Variants in AK9 observed in about 807,000 individuals in gnomAD.
AK9 encodes the protein adenylate kinase domain containing 1.
AK9 carries 191 observed loss-of-function variants against 239.6 expected under a neutral mutation model. The ratio of observed to expected loss-of-function variants is 0.80; its 90% CI spans 0.71 to 0.90. The LOEUF (loss-of-function observed/expected upper bound fraction) is 0.90. Ranked by LOEUF, AK9 falls within the 40% of genes least tolerant of loss-of-function variation. The probability of loss-of-function intolerance (pLI) is 0.00; values close to 1 mark genes in which losing one functional copy is unlikely to be tolerated. For missense variants in AK9, 1,995 were observed against 2,214.7 expected (o/e 0.90, Z 1.99); for synonymous variants, 689 against 721.0 (o/e 0.96, Z 0.71).
intron 17 of AK9, among the ~76,000 whole-genome samples, chr6:109,597,291 C>A (rs762710961): frequency 2.0e-5 from 3 of 152,158 alleles, no homozygotes; most frequent in Non-Finnish European, 4.4e-5. Context: ...CTCACTATTA[C>A]CAATTGTCAA....
intron 5 of AK9, among the ~76,000 whole-genome samples, chr6:109,663,536 A>C (rs1279069286): frequency 6.6e-6 from 1 of 152,238 alleles, no homozygotes; most frequent in African/African-American, 2.4e-5. Flanking sequence ...TGAAAAACTT[A>C]CATCCATTAT....
chr6:109,601,898 C>A (rs543598007), intron 17 of AK9, among the ~76,000 whole-genome samples: 1 of 152,188 alleles, frequency 6.6e-6, no homozygotes, highest in Admixed American at 6.5e-5. Context: ...GGATTGCAAC[C>A]CCTGCCTTTT....
At chr6:109,551,076 T>C (rs1050261137) in intron 24 of AK9, among the ~76,000 whole-genome samples, 13 of 152,174 alleles carry the variant, frequency 8.5e-5, no homozygotes, top group Admixed American at 6.5e-5. Flanking sequence ...ACATATATAG[T>C]ATTTTTAAAA....
intron 1 of AK9, among the ~76,000 whole-genome samples, chr6:109,688,221 G>C (rs951655407): frequency 4.6e-5 from 7 of 152,076 alleles, no homozygotes; most frequent in African/African-American, 1.7e-4. Context: ...TACAAATTGA[G>C]ACCTGTTCAT....
chr6:109,564,257 C>A lies in AK9; in HGVS notation c.2458G>T (p.Asp820Tyr), dbSNP rs1231882630. 1.3e-6 allele frequency: 2 copies of A among 1,549,562 alleles called. No homozygotes were observed. The highest frequency in any genetic ancestry group is 1.7e-6 in the Non-Finnish European group (2 of 1,146,342). The change falls in exon 23 of 41, where the codon GAC becomes TAC. Residue 820 changes from aspartate (D) to tyrosine (Y), a missense_variant. Coordinates refer to ENST00000424296, the MANE Select transcript of AK9 (RefSeq NM_001145128.3). ...ATTTCGGGAACATCAGGATAAGAGT[C>A]TTCTGGAAACTCAGGTAGTACAACT... ...ETVVLPEFPE[D>Y]SYPDVPEMEP... is the part of the protein sequence containing the mutation.
intron 12 of AK9, among the ~76,000 whole-genome samples, chr6:109,627,393 A>G (rs537567222): frequency 6.6e-6 from 1 of 152,332 alleles, no homozygotes; most frequent in South Asian, 2.1e-4. Flanking sequence ...AGTATTGTAA[A>G]TACTAAGCCA....
intron 12 of AK9, among the ~76,000 whole-genome samples, chr6:109,629,149 G>C (rs527319982): frequency 6.6e-6 from 1 of 151,934 alleles, no homozygotes; most frequent in South Asian, 2.1e-4. Context: ...TCACCATTTT[G>C]CCCAGGCTGG....
chr6:109,649,761 G>C (rs189329142), intron 8 of AK9, among the ~76,000 whole-genome samples: 1 of 152,318 alleles, frequency 6.6e-6, no homozygotes, highest in African/African-American at 2.4e-5. Flanking sequence ...AACCAAAAAA[G>C]AGCTGGCATC....
chr6:109,617,937 C>T (rs1794372628), intron 13 of AK9, among the ~76,000 whole-genome samples: 2 of 152,152 alleles, frequency 1.3e-5, no homozygotes, highest in Admixed American at 1.3e-4. Flanking sequence ...TCTTCAACCA[C>T]TAGAATTGGC....
chr6:109,573,476 T>A lies in AK9; in HGVS notation c.2310A>T (p.Glu770Asp). Residue 770 changes from glutamate to aspartate, a missense_variant, in exon 21 of 41, where the codon GAA (glutamate) becomes GAT (aspartate). By Grantham distance (45) the Glu-to-Asp change is conservative. Around this residue, in one of 5 missense-constraint regions of AK9, gnomAD observed 1,290 missense variants for 1,392.7 expected, o/e 0.93. Transcript: ENST00000424296. ...GCTCAGTTTCAGGGACCTCAGATGCTTCAAACTCCTCAGGTAACCATGACC... is the reference window on the plus strand; with the variant it reads ...GCTCAGTTTCAGGGACCTCAGATGCATCAAACTCCTCAGGTAACCATGACC... ...TRGSWLPEEF[E>D]ASEVPETEPE... 3 of 1,551,018 alleles carry A rather than the reference T, an allele frequency of 1.9e-6. No individual in the cohort carries two copies. The highest frequency in any genetic ancestry group is 1.7e-4 in the Middle Eastern group (1 of 5,990).
Position 109,540,791 on chromosome 6 carries a change from G to C in AK9, c.3350+1256C>G, listed in dbSNP as rs563568727. Among the ~76,000 whole-genome samples the C allele has an allele frequency of 1.4e-4, 22 of 152,260 alleles. No individual in the cohort carries two copies. The South Asian group carries it at 4.4e-3, about 30-fold the overall frequency. Reference sequence around the variant, plus strand: ...TGGCAGGGTCAATTTCATTCCTACTGTTCCTGCTGTCATTTCTTTGTCAAT... The same window carrying C: ...TGGCAGGGTCAATTTCATTCCTACTCTTCCTGCTGTCATTTCTTTGTCAAT... On this transcript the variant is annotated intron_variant, in intron 27 of 40. Coordinates refer to ENST00000424296, the MANE Select transcript of AK9 (RefSeq NM_001145128.3).
At chr6:109,507,570 A>G (rs1778239231) in intron 33 of AK9, among the ~76,000 whole-genome samples, 2 of 151,216 alleles carry the variant, frequency 1.3e-5, no homozygotes, top group Non-Finnish European at 3.0e-5. Context: ...TGAGAGGAGG[A>G]AAAAAAAAGG....
At chr6:109,673,794 G>A (rs1254549141) in intron 3 of AK9, among the ~76,000 whole-genome samples, 1 of 151,752 alleles carries the variant, frequency 6.6e-6, no homozygotes, top group Non-Finnish European at 1.5e-5. Context: ...AACAAAACTA[G>A]GACAAACAGA....
chr6:109,591,829 C>A (rs1790282202), intron 17 of AK9, among the ~76,000 whole-genome samples: 1 of 148,316 alleles, frequency 6.7e-6, no homozygotes, highest in Non-Finnish European at 1.5e-5. Context: ...AAAATTCTTG[C>A]CTGGCATTTT....
At chr6:109,615,776 A>G (rs1218196771) in intron 13 of AK9, among the ~76,000 whole-genome samples, 1 of 152,212 alleles carries the variant, frequency 6.6e-6, no homozygotes, top group Non-Finnish European at 1.5e-5. Flanking sequence ...AGTTTCAAGC[A>G]TGCAAAATGT....
intron 8 of AK9, among the ~76,000 whole-genome samples, chr6:109,653,682 T>TC (rs143980301): frequency 2.0e-4 from 29 of 147,618 alleles, no homozygotes; most frequent in East Asian, 7.9e-4. Context: ...ATTTTTTTTT[T>TC]TTTCTCTCTC....
intron 35 of AK9, among the ~76,000 whole-genome samples, chr6:109,503,618 C>G (rs770106685): frequency 6.6e-6 from 1 of 152,060 alleles, no homozygotes; most frequent in Non-Finnish European, 1.5e-5. Context: ...GATTATCAGG[C>G]GGACGCTGAA....
Position 109,506,649 on chromosome 6 carries a change from A to G in AK9, c.4628+5T>C, listed in dbSNP as rs761470763. On this transcript the variant is annotated splice_donor_5th_base_variant and intron_variant, in intron 34 of 40. Transcript: ENST00000424296. ...CTTTTTTGTTGTCTTCATCATGTACATTACCTTTGTTCATTTTCTTTTTCT... is the reference window on the plus strand; with the variant it reads ...CTTTTTTGTTGTCTTCATCATGTACGTTACCTTTGTTCATTTTCTTTTTCT... 95 of 1,531,728 alleles carry G rather than the reference A, an allele frequency of 6.2e-5. No homozygotes were observed. The highest frequency in any genetic ancestry group is 8.2e-5 in the Non-Finnish European group (93 of 1,133,734). 94.9% of individuals were successfully genotyped at this position (1,531,728 alleles called of 1,614,324 possible). A position where few individuals can be genotyped will look rare whatever the true frequency, so the allele number is the denominator to read the frequency against.
rs180808262 is a variant in AK9, at chr6:109,568,584, C to A, written c.2345-3739G>T. The stretch of plus-strand genomic sequence containing the variant: ...CTGATAAACAACTTCAGCAAAGTCT[C>A]AGGATACAAAATCAATGTGCAAAAA... On this transcript the variant is annotated intron_variant, in intron 21 of 40. Transcript: ENST00000424296. 2.7e-4 allele frequency among the ~76,000 whole-genome samples: 41 copies of A among 152,322 alleles called. No homozygotes were observed. The East Asian group carries it at 7.3e-3, about 27-fold the overall frequency.
Sources: gnomAD v4.1 joint callset for allele counts (sites outside exome capture counted in the v4.1 genomes callset) on GRCh38, gnomAD v4.1.1 for gene constraint, gnomAD v4.1.1 regional missense constraint, MANE v1.5 for transcripts, NCBI Gene and HGNC (gene_info 2026-07-23, HGNC 2026-07-21) for gene names.